Variants in NKD1 observed in about 807,000 individuals in gnomAD.
The protein encoded by NKD1 is NKD inhibitor of Wnt signaling pathway 1, also known as protein naked cuticle homolog 1.
NKD1 carries 21 observed loss-of-function variants against 56.0 expected under a neutral mutation model. That is an observed-to-expected ratio of 0.38 (90% CI 0.27 to 0.54). NKD1 has a LOEUF of 0.54. NKD1 is among the 20% of genes least tolerant of loss of function. The probability of loss-of-function intolerance (pLI) is 0.82; values close to 1 mark genes in which losing one functional copy is unlikely to be tolerated. For missense variants in NKD1, 578 were observed against 642.7 expected, an observed-to-expected ratio of 0.90 and a Z score of 1.09; for synonymous variants, 263 against 265.7, an observed-to-expected ratio of 0.99 and a Z score of 0.10.
At chr16:50,550,120 TAGCCTGGGCAGAGCCCTG>T (rs2151260824) in intron 3 of NKD1, among the ~76,000 whole-genome samples, 1 of 152,012 alleles carries the variant, frequency 6.6e-6, no homozygotes, top group Non-Finnish European at 1.5e-5. Context: ...CATTCCACTG[TAGCCTGGGCAGAGCCCTG>T]AGCCTTCACC....
chr16:50,602,314 CT>C (rs1961614663), intron 3 of NKD1, among the ~76,000 whole-genome samples: 1 of 152,170 alleles, frequency 6.6e-6, no homozygotes, highest in Non-Finnish European at 1.5e-5. Flanking sequence ...GGGATGCGGG[CT>C]GGAACCCCAG....
In NKD1 at chr16:50,608,303, G is replaced by A; in HGVS notation, c.202G>A (p.Gly68Ser). 6.2e-7 allele frequency: 1 copy of A among 1,613,056 alleles called. No homozygotes were observed. The highest frequency in any genetic ancestry group is 8.5e-7 in the Non-Finnish European group (1 of 1,179,304). Residue 68 changes from glycine to serine, a missense_variant, in exon 4 of 10, where the codon GGC becomes AGC. Gly to Ser is a moderately conservative substitution (Grantham distance 56). Coordinates refer to ENST00000268459, the MANE Select transcript of NKD1 (RefSeq NM_033119.5). ...CTCTGTCTTCTTGTAGGAGCTCGTG[G>A]GCGACGTGTTGAGAGACACGCTCAG... Reference protein sequence around the residue: ...TIGRSTRELVGDVLRDTLSEE... With the variant: ...TIGRSTRELVSDVLRDTLSEE...
chr16:50,594,804 G>A (rs1815838608), intron 3 of NKD1, among the ~76,000 whole-genome samples: 1 of 151,036 alleles, frequency 6.6e-6, no homozygotes, highest in South Asian at 2.1e-4. Context: ...GGAAGGGAGG[G>A]GGGCACACAG....
rs1328822063 is a variant in NKD1, at chr16:50,625,540, C to T, written c.422C>T (p.Thr141Ile). The T allele has an allele frequency of 1.2e-6, 2 of 1,613,796 alleles. No homozygotes were observed. Among genetic ancestry groups the T allele is most frequent in the African/African-American group, 2.7e-5 (2 of 74,946 alleles). The change falls in exon 6 of 10, where the codon ACC becomes ATC. Residue 141 changes from threonine to isoleucine, a missense_variant. Coordinates refer to ENST00000268459, the MANE Select transcript of NKD1 (RefSeq NM_033119.5). ...EEDSRQEWTF[T>I]LYDFDNNGKV... is the part of the protein sequence containing the mutation. ...GACAGCCGGCAGGAGTGGACCTTCACCCTGTATGACTTTGACAACAACGGC... is the reference window on the plus strand; with the variant it reads ...GACAGCCGGCAGGAGTGGACCTTCATCCTGTATGACTTTGACAACAACGGC...
rs753383056 is a variant in NKD1 at position 50,548,789 on chromosome 16, G to T, written c.58+40G>T. On this transcript the variant is annotated intron_variant, in intron 2 of 9. Coordinates refer to ENST00000268459, the MANE Select transcript of NKD1 (RefSeq NM_033119.5). The stretch of plus-strand genomic sequence containing the variant: ...GGCGCAGACCTCGGGGATGGACGCG[G>T]GGGACACCGCGGCCGCGGCAGAACG... 1.7e-4 allele frequency: 232 copies of T among 1,360,596 alleles called. 2 individuals carry two copies. In the Middle Eastern group the frequency reaches 1.9e-3, roughly 11 times the overall value. 84.3% of individuals were successfully genotyped at this position (1,360,596 alleles called of 1,614,324 possible).
rs954577400 is a variant in NKD1 at position 50,646,515 on chromosome 16, G to A, written c.*12734G>A. The A allele has an allele frequency of 2.6e-5, 4 of 152,248 alleles. No homozygotes were observed. Among genetic ancestry groups the A allele is most frequent in the African/African-American group, 9.6e-5 (4 of 41,458 alleles). The allele number at this position is 152,248 out of a possible 1,614,324, so 9.4% of individuals were successfully genotyped here. A position where few individuals can be genotyped will look rare whatever the true frequency, so the allele number is the denominator to read the frequency against. On this transcript the variant is annotated 3_prime_UTR_variant, in exon 10 of 10. Coordinates refer to ENST00000268459, the MANE Select transcript of NKD1 (RefSeq NM_033119.5). ...GGAGGCGGCCTTGTGGCAGGTGCTGGGAGGCAGGGACTGGGGCCGGGCGGG... is the reference window on the plus strand; with the variant it reads ...GGAGGCGGCCTTGTGGCAGGTGCTGAGAGGCAGGGACTGGGGCCGGGCGGG...
chr16:50,600,240 AAAAC>A (rs142116037), intron 3 of NKD1, among the ~76,000 whole-genome samples: 4,925 of 152,108 alleles, frequency 0.032, 268 homozygotes, highest in African/African-American at 0.11. Context: ...AAAACAAAAC[AAAAC>A]AAACAAACAA....
intron 3 of NKD1, among the ~76,000 whole-genome samples, chr16:50,560,007 TG>T (rs1330632572): frequency 6.6e-6 from 1 of 152,084 alleles, no homozygotes; most frequent in Admixed American, 6.5e-5. Context: ...TGAGTGGGTT[TG>T]GGGGTGCTGG....
intron 3 of NKD1, chr16:50,571,061 G>A (rs549679329): frequency 1.1e-6 from 1 of 939,288 alleles, no homozygotes; most frequent in African/African-American, 1.8e-5. Flanking sequence ...CTCCTCCCTG[G>A]GGCTGCCTTT....
intron 3 of NKD1, chr16:50,574,440 A>G (rs146027607): frequency 1.0e-6 from 1 of 985,394 alleles, no homozygotes; most frequent in African/African-American, 1.7e-5. Context: ...GACTAAATTT[A>G]GGATTCCTTG....
intron 3 of NKD1, chr16:50,571,359 G>A (rs990223421): frequency 2.4e-5 from 9 of 374,438 alleles, no homozygotes; most frequent in Non-Finnish European, 2.9e-5. Context: ...GCAGCTGGCC[G>A]CACAGCCTGG....
At chr16:50,554,251 A>G (rs930371533) in intron 3 of NKD1, among the ~76,000 whole-genome samples, 3 of 152,164 alleles carry the variant, frequency 2.0e-5, no homozygotes, top group Non-Finnish European at 4.4e-5. Context: ...GCAAGGTCCT[A>G]GAACTCAGGG....
rs923195345 is a variant in NKD1 at position 50,633,479 on chromosome 16, C to A, written c.1111C>A (p.Leu371Met). The change falls in exon 10 of 10, where the codon CTG (leucine) becomes ATG (methionine). Residue 371 changes from leucine (L) to methionine (M), a missense_variant. Coordinates refer to ENST00000268459, the MANE Select transcript of NKD1 (RefSeq NM_033119.5). The surrounding 1 kb of genome is among the most constrained non-coding windows in gnomAD (Gnocchi z 4.9). The stretch of plus-strand genomic sequence containing the variant: ...CAGAGGGGCAAGAAACAAGCCCCCT[C>A]TGGGACCCGCCATCCCTGCGGTGTC... ...VARGARNKPPLGPAIPAVSPS... is the reference protein window; with the variant it reads ...VARGARNKPPMGPAIPAVSPS... The A allele has an allele frequency of 1.9e-6, 3 of 1,609,174 alleles. No individual in the cohort carries two copies. Among genetic ancestry groups the A allele is most frequent in the Non-Finnish European group, 2.5e-6 (3 of 1,177,722 alleles).
chr16:50,632,403 G>A lies in NKD1; in HGVS notation c.818G>A (p.Gly273Glu). 6.2e-7 allele frequency: 1 copy of A among 1,614,054 alleles called. No individual in the cohort carries two copies. Among genetic ancestry groups the A allele is most frequent in the Non-Finnish European group, 8.5e-7 (1 of 1,179,970 alleles). Residue 273 changes from glycine to glutamate, a missense_variant, in exon 9 of 10, where the codon GGG becomes GAG. By Grantham distance (98) the Gly-to-Glu change is moderately conservative (BLOSUM62 -2). Transcript: ENST00000268459. This position sits in a 1 kb window ranked among gnomAD's most constrained non-coding sequence, Gnocchi z 4.1. ...ATAGAAAACTACACGTCCCAATTTG[G>A]GCCTGGTAAGGGACTCAAGCACCCT... Reference protein sequence around the residue: ...AGIENYTSQFGPGSPSVAQKS... With the variant: ...AGIENYTSQFEPGSPSVAQKS...
intron 3 of NKD1, among the ~76,000 whole-genome samples, chr16:50,605,917 G>A (rs938829780): frequency 2.6e-5 from 4 of 152,176 alleles, no homozygotes; most frequent in African/African-American, 7.2e-5. Flanking sequence ...GTCCAAAGGC[G>A]AGGCAGGCGG....
chr16:50,579,151 G>A (rs530059439), intron 3 of NKD1, among the ~76,000 whole-genome samples: 1 of 150,612 alleles, frequency 6.6e-6, no homozygotes, highest in East Asian at 2.0e-4. Flanking sequence ...CGCAACACAC[G>A]CACTCTAACC....
At chr16:50,604,745 G>A (rs759589650) in intron 3 of NKD1, among the ~76,000 whole-genome samples, 4 of 152,198 alleles carry the variant, frequency 2.6e-5, no homozygotes, top group East Asian at 3.9e-4. Context: ...TGGCGCCGTC[G>A]AAGTTCTGAA....
chr16:50,610,634 C>T (rs1049849354), intron 4 of NKD1, among the ~76,000 whole-genome samples: 4 of 152,164 alleles, frequency 2.6e-5, no homozygotes, highest in Admixed American at 6.6e-5. Context: ...TGCCTCTTGG[C>T]GGGCTGGAGA....
chr16:50,612,933 A>C (rs964898737), intron 4 of NKD1, among the ~76,000 whole-genome samples: 1 of 152,096 alleles, frequency 6.6e-6, no homozygotes, highest in African/African-American at 2.4e-5. Flanking sequence ...GGAAGAGGGC[A>C]ATGAAACCAG....
Sources: allele counts gnomAD v4.1 joint callset (sites outside exome capture counted in the v4.1 genomes callset), GRCh38; gene constraint gnomAD v4.1.1; non-coding constraint Gnocchi (gnomAD v3.1); transcripts MANE v1.5; gene names NCBI Gene and HGNC (gene_info 2026-07-23, HGNC 2026-07-21).